Variants in PRKCB observed in about 807,000 individuals in gnomAD.
PRKCB encodes the protein protein kinase C beta type.
Under a neutral mutation model 81.5 loss-of-function variants are expected in PRKCB, and 13 were observed. The ratio of observed to expected loss-of-function variants is 0.16; its 90% CI spans 0.10 to 0.25. The LOEUF is 0.25. PRKCB is among the 10% of genes least tolerant of loss of function. PRKCB has a pLI of 1.00. For missense variants in PRKCB, 509 were observed against 875.7 expected, an observed-to-expected ratio of 0.58 and a Z score of 5.29; for synonymous variants, 335 against 321.4, an observed-to-expected ratio of 1.04 and a Z score of -0.45.
chr16:24,076,187 G>A (rs1368223813), intron 5 of PRKCB, among the ~76,000 whole-genome samples: 1 of 152,196 alleles, frequency 6.6e-6, no homozygotes, highest in Admixed American at 6.5e-5. Flanking sequence ...GTCATGGTGT[G>A]AGGGAAAGGG....
At chr16:24,139,827 A>G (rs901274000) in intron 9 of PRKCB, among the ~76,000 whole-genome samples, 7 of 152,242 alleles carry the variant, frequency 4.6e-5, no homozygotes, top group African/African-American at 1.7e-4. Flanking sequence ...ATCCGAGTTG[A>G]TCTATACGCC....
At chr16:23,923,465 T>G (rs1435550912) in intron 2 of PRKCB, among the ~76,000 whole-genome samples, 2 of 152,096 alleles carry the variant, frequency 1.3e-5, no homozygotes, top group African/African-American at 4.8e-5. Context: ...AGCAATGTGC[T>G]GATTGACCAC....
intron 5 of PRKCB, among the ~76,000 whole-genome samples, chr16:24,076,688 C>A (rs772043671): frequency 6.6e-6 from 1 of 152,154 alleles, no homozygotes; most frequent in Non-Finnish European, 1.5e-5. Context: ...TACAAGTGTG[C>A]CTTTAACTCA....
At chr16:24,048,322 C>T (rs1965793134) in intron 5 of PRKCB, among the ~76,000 whole-genome samples, 1 of 152,108 alleles carries the variant, frequency 6.6e-6, no homozygotes, top group African/African-American at 2.4e-5. Context: ...AAATAACTTG[C>T]CCAAGCCACA....
chr16:24,100,500 C>T (rs1966492369), intron 7 of PRKCB, among the ~76,000 whole-genome samples: 2 of 152,156 alleles, frequency 1.3e-5, no homozygotes, highest in Admixed American at 6.5e-5. Context: ...CAGGAACCTG[C>T]CTGAGTCCTC....
At chr16:24,049,064 T>G (rs1340807973) in intron 5 of PRKCB, among the ~76,000 whole-genome samples, 2 of 142,420 alleles carry the variant, frequency 1.4e-5, no homozygotes, top group South Asian at 2.3e-4. Context: ...TTTTTTTTTT[T>G]TTTTTTTTTT....
intron 10 of PRKCB, among the ~76,000 whole-genome samples, chr16:24,162,237 C>T (rs903776188): frequency 2.0e-5 from 3 of 151,914 alleles, no homozygotes; most frequent in East Asian, 1.9e-4. Context: ...AGAATGAGCC[C>T]CGAGAATGTC....
At chr16:24,043,909 T>C (rs1373741883) in intron 5 of PRKCB, among the ~76,000 whole-genome samples, 1 of 152,128 alleles carries the variant, frequency 6.6e-6, no homozygotes, top group Non-Finnish European at 1.5e-5. Context: ...ACGTTTTCCT[T>C]TAGGGAATCT....
intron 7 of PRKCB, among the ~76,000 whole-genome samples, chr16:24,094,932 G>A (rs1178076162): frequency 2.0e-5 from 3 of 151,088 alleles, no homozygotes; most frequent in African/African-American, 7.3e-5. Flanking sequence ...AGGAAGGGAG[G>A]AAGGGAAGGA....
intron 3 of PRKCB, among the ~76,000 whole-genome samples, chr16:24,017,046 G>T (rs2141841549): frequency 6.6e-6 from 1 of 152,290 alleles, no homozygotes; most frequent in African/African-American, 2.4e-5. Flanking sequence ...GAGAATACAT[G>T]GATAAGAATA....
At chr16:23,997,946 G>A (rs1005842637) in intron 3 of PRKCB, among the ~76,000 whole-genome samples, 1 of 152,198 alleles carries the variant, frequency 6.6e-6, no homozygotes, top group Non-Finnish European at 1.5e-5. Context: ...GGGCTAAGGG[G>A]GGTACCCAGA....
intron 3 of PRKCB, among the ~76,000 whole-genome samples, chr16:23,990,723 T>C (rs113110044): frequency 6.6e-6 from 1 of 152,182 alleles, no homozygotes; most frequent in Admixed American, 6.5e-5. Context: ...AATTTTTTAT[T>C]TGCTTGTAAA....
intron 12 of PRKCB, among the ~76,000 whole-genome samples, chr16:24,178,813 A>G (rs1315048216): frequency 1.3e-5 from 2 of 152,194 alleles, no homozygotes; most frequent in African/African-American, 4.8e-5. Context: ...ATGCCAGGAT[A>G]TAGTTTTCAG....
chr16:24,105,111 C>T (rs1156695595), intron 7 of PRKCB, among the ~76,000 whole-genome samples: 1 of 151,146 alleles, frequency 6.6e-6, no homozygotes, highest in Non-Finnish European at 1.5e-5. Context: ...GGCTGGAGTG[C>T]AGTGGCACGA....
chr16:24,193,473 AAATAAAT>A (rs1380382447), intron 16 of PRKCB, among the ~76,000 whole-genome samples: 7 of 127,122 alleles, frequency 5.5e-5, no homozygotes, highest in Non-Finnish European at 1.1e-4. Flanking sequence ...ATAAATAAAT[AAATAAAT>A]AAATAAATAA....
At chr16:24,047,977 G>A (rs1965789360) in intron 5 of PRKCB, among the ~76,000 whole-genome samples, 1 of 152,208 alleles carries the variant, frequency 6.6e-6, no homozygotes, top group East Asian at 1.9e-4. Flanking sequence ...TGAGGGAAGG[G>A]AGGAGGGCCA....
intron 2 of PRKCB, among the ~76,000 whole-genome samples, chr16:23,976,950 A>G (rs903339169): frequency 6.6e-6 from 1 of 152,204 alleles, no homozygotes; most frequent in African/African-American, 2.4e-5. Context: ...ATGTTGGCTC[A>G]ACTGTTTTAT....
chr16:23,904,085 A>G (rs1406962068), intron 2 of PRKCB, among the ~76,000 whole-genome samples: 7 of 152,180 alleles, frequency 4.6e-5, no homozygotes, highest in African/African-American at 1.4e-4. Flanking sequence ...TTCCTTGTGA[A>G]TAGCTAGATT....
At chr16:23,844,566 G>A (rs1261024622) in intron 2 of PRKCB, among the ~76,000 whole-genome samples, 1 of 152,112 alleles carries the variant, frequency 6.6e-6, no homozygotes, top group African/African-American at 2.4e-5. Context: ...GAGTGCAGTG[G>A]TGCAATCTTT....
Sources: gnomAD v4.1 joint callset for allele counts (sites outside exome capture counted in the v4.1 genomes callset) on GRCh38, gnomAD v4.1.1 for gene constraint, MANE v1.5 for transcripts, NCBI Gene and HGNC (gene_info 2026-07-23, HGNC 2026-07-21) for gene names.